KLRK1: variants seen among roughly 807,000 people sequenced by gnomAD.
The protein encoded by KLRK1 is NKG2-D type II integral membrane protein.
KLRK1 carries 40 observed loss-of-function variants against 31.3 expected under a neutral mutation model. That is an observed-to-expected ratio of 1.28 (90% CI 0.99 to 1.67). The LOEUF (loss-of-function observed/expected upper bound fraction) is 1.67, where lower values mean the gene tolerates loss of function less well. KLRK1 is among the 40% of genes most tolerant of loss of function. The probability of loss-of-function intolerance (pLI) is 0.00; values close to 1 mark genes in which losing one functional copy is unlikely to be tolerated. For synonymous variants in KLRK1, 77 were observed against 77.3 expected, an observed-to-expected ratio of 1.00 and a Z score of 0.02; for missense variants, 251 against 260.0, an observed-to-expected ratio of 0.97 and a Z score of 0.24.
chr12:10,376,779 A>AAAAC (rs1232661185), intron 7 of KLRK1, among the ~76,000 whole-genome samples: 1 of 151,248 alleles, frequency 6.6e-6, no homozygotes, highest in Non-Finnish European at 1.5e-5. Flanking sequence ...TTCATATACC[A>AAAAC]AAACACATCA....
chr12:10,384,843 T>C (rs2137817263), intron 3 of KLRK1, among the ~76,000 whole-genome samples: 1 of 152,128 alleles, frequency 6.6e-6, no homozygotes. Context: ...TCGCAAACTA[T>C]TCCTCTAACA....
chr12:10,385,054 G>C (rs1250218283), intron 3 of KLRK1, among the ~76,000 whole-genome samples: 1 of 151,942 alleles, frequency 6.6e-6, no homozygotes, highest in Admixed American at 6.6e-5. Flanking sequence ...TCTCACCCTA[G>C]TTAGAATAGC....
chr12:10,380,266 C>G (rs895655330), intron 3 of KLRK1, among the ~76,000 whole-genome samples: 1 of 152,022 alleles, frequency 6.6e-6, no homozygotes, highest in Non-Finnish European at 1.5e-5. Context: ...AGGGTTTCAC[C>G]GTGTTAGCCA....
At chr12:10,383,512 T>G (rs1356864141) in intron 3 of KLRK1, among the ~76,000 whole-genome samples, 1 of 152,090 alleles carries the variant, frequency 6.6e-6, no homozygotes, top group Non-Finnish European at 1.5e-5. Context: ...AAGTAAATAT[T>G]AATAGATCTG....
intron 7 of KLRK1, 79 bp downstream of exon 7, chr12:10,378,053 A>T (rs1244116601): frequency 7.3e-7 from 1 of 1,373,282 alleles, no homozygotes; most frequent in African/African-American, 1.5e-5. Flanking sequence ...GGATTATGTG[A>T]GATGAGTGAT....
chr12:10,382,276 G>C (rs1408931575), intron 3 of KLRK1: 2 of 152,040 alleles, frequency 1.3e-5, no homozygotes, highest in Admixed American at 6.6e-5. Context: ...ACCCAAATGA[G>C]ATCACCACAA....
chr12:10,381,559 G>A (rs1265577158), intron 3 of KLRK1, among the ~76,000 whole-genome samples: 4 of 152,090 alleles, frequency 2.6e-5, no homozygotes, highest in African/African-American at 4.8e-5. Context: ...AATAATGATA[G>A]AGGAGAAAAA....
intron 3 of KLRK1, among the ~76,000 whole-genome samples, chr12:10,386,368 T>A (rs1444791058): frequency 3.9e-5 from 6 of 152,130 alleles, no homozygotes; most frequent in Non-Finnish European, 8.8e-5. Flanking sequence ...AGATGCTATT[T>A]GTTAATAATT....
chr12:10,375,065 C>T (rs2137801727), intron 7 of KLRK1, among the ~76,000 whole-genome samples: 1 of 152,106 alleles, frequency 6.6e-6, no homozygotes, highest in Middle Eastern at 3.4e-3. Context: ...TCAAGCCATA[C>T]ATAAATGAGG....
At chr12:10,373,299 A>G (rs1862897874) in intron 7 of KLRK1, 68 bp from the exon 8 acceptor site, 2 of 1,336,384 alleles carry the variant, frequency 1.5e-6, no homozygotes, top group Non-Finnish European at 2.0e-6. Context: ...AATGAATCAT[A>G]CCTATTGAAC....
intron 3 of KLRK1, among the ~76,000 whole-genome samples, chr12:10,384,418 A>T (rs1321749120): frequency 3.9e-5 from 6 of 152,042 alleles, no homozygotes; most frequent in African/African-American, 1.2e-4. Context: ...AGACCAATAA[A>T]ACAGAATAGA....
At chr12:10,373,834 G>T (rs1313390395) in intron 7 of KLRK1, among the ~76,000 whole-genome samples, 1 of 152,114 alleles carries the variant, frequency 6.6e-6, no homozygotes, top group Non-Finnish European at 1.5e-5. Flanking sequence ...TTTCATAAGA[G>T]ATGGGAAATA....
At chr12:10,378,489 T>G (rs1646700905) in intron 6 of KLRK1, 65 bp downstream of exon 6, 2 of 1,590,046 alleles carry the variant, frequency 1.3e-6, no homozygotes. Context: ...TAGGTTCATA[T>G]TCCAGTGAGT....
chr12:10,389,457 C>A (rs571921886), intron 1 of KLRK1, among the ~76,000 whole-genome samples: 4 of 152,168 alleles, frequency 2.6e-5, no homozygotes, highest in Non-Finnish European at 2.9e-5. Context: ...CCAGAAAAAA[C>A]CATTTAATAA....
rs1385325191 is a variant in KLRK1 at position 10,372,924 on chromosome 12, T to A, written c.*190A>T. ...AATTGCCTTTAGGATCTCTCTTCTT[T>A]TGTCTTGGAGAATCATGCATGTTTG... On this transcript the variant is annotated 3_prime_UTR_variant, in exon 8 of 8. Coordinates refer to ENST00000240618, the MANE Select transcript of KLRK1 (RefSeq NM_007360.4). 3.1e-5 allele frequency: 17 copies of A among 551,998 alleles called. No individual in the cohort carries two copies. In the East Asian group the frequency reaches 5.7e-4, roughly 19 times the overall value. The allele number at this position is 551,998 out of a possible 1,614,324, so 34.2% of individuals were successfully genotyped here. A position where few individuals can be genotyped will look rare whatever the true frequency, so the allele number is the denominator to read the frequency against.
At chr12:10,376,957 C>T (rs991693445) in intron 7 of KLRK1, among the ~76,000 whole-genome samples, 4 of 152,094 alleles carry the variant, frequency 2.6e-5, no homozygotes, top group African/African-American at 9.7e-5. Flanking sequence ...GCTGGGATTA[C>T]AGACACCTGC....
intron 7 of KLRK1, among the ~76,000 whole-genome samples, chr12:10,375,950 A>G (rs778776112): frequency 6.6e-6 from 1 of 152,236 alleles, no homozygotes; most frequent in Admixed American, 6.5e-5. Flanking sequence ...GAATCCAGAA[A>G]GACCAAGCTG....
chr12:10,387,079 A>G (rs1565494951), intron 2 of KLRK1, 69 bp from the exon 3 acceptor site: 1 of 1,262,302 alleles, frequency 7.9e-7, no homozygotes, highest in Admixed American at 2.4e-5. Flanking sequence ...AATTTTAAAA[A>G]TTCAGCTTGC....
intron 7 of KLRK1, among the ~76,000 whole-genome samples, chr12:10,377,833 AATGT>A (rs1231560432): frequency 6.6e-6 from 1 of 152,220 alleles, no homozygotes; most frequent in Admixed American, 6.5e-5. Context: ...TTCAAAAAGA[AATGT>A]ATGTAATATT....
Sources: allele counts gnomAD v4.1 joint callset (sites outside exome capture counted in the v4.1 genomes callset), GRCh38; gene constraint gnomAD v4.1.1; transcripts MANE v1.5; gene names NCBI Gene and HGNC (gene_info 2026-07-23, HGNC 2026-07-21).